NYAP2: variants seen among roughly 807,000 people sequenced by gnomAD.
NYAP2 encodes neuronal tyrosine-phosphorylated phosphoinositide-3-kinase adaptor 2, also known as neuronal tyrosine-phosphorylated phosphoinositide-3-kinase adapter 2.
A neutral mutation model predicts 50.4 loss-of-function variants in NYAP2; 23 were observed. The ratio of observed to expected loss-of-function variants is 0.46; its 90% CI spans 0.33 to 0.65. The LOEUF (loss-of-function observed/expected upper bound fraction) is 0.65. Among genes scored for constraint, NYAP2 ranks in the 30% least tolerant of loss-of-function variants. NYAP2 has a pLI of 0.02. For synonymous variants in NYAP2, 394 were observed against 365.2 expected, an observed-to-expected ratio of 1.08 and a Z score of -0.90; for missense variants, 885 against 861.0, an observed-to-expected ratio of 1.03 and a Z score of -0.35.
chr2:225,414,055 G>A (rs1695087379), intron 3 of NYAP2, among the ~76,000 whole-genome samples: 1 of 152,122 alleles, frequency 6.6e-6, no homozygotes, highest in Non-Finnish European at 1.5e-5. Context: ...TTAAAACACT[G>A]AGCTCTTAGA....
chr2:225,557,692 G>A (rs967865180), intron 4 of NYAP2, among the ~76,000 whole-genome samples: 1 of 152,040 alleles, frequency 6.6e-6, no homozygotes, highest in African/African-American at 2.4e-5. Context: ...TCTAATGAGG[G>A]TCACAATACC....
intron 3 of NYAP2, among the ~76,000 whole-genome samples, chr2:225,437,348 A>G (rs1167804127): frequency 6.6e-6 from 1 of 152,128 alleles, no homozygotes; most frequent in African/African-American, 2.4e-5. Flanking sequence ...AAAGAGAAAA[A>G]CAGATATGAA....
intron 3 of NYAP2, among the ~76,000 whole-genome samples, chr2:225,426,446 G>T (rs1695289603): frequency 6.6e-6 from 1 of 152,172 alleles, no homozygotes; most frequent in Non-Finnish European, 1.5e-5. Context: ...CAACATGAGG[G>T]CAGGAACTCG....
At position 225,442,181 on chromosome 2, in the gene NYAP2, A is replaced by G. The variant is rs184556063; in HGVS notation, c.221+33080A>G. On this transcript the variant is annotated intron_variant, in intron 3 of 6. Coordinates refer to ENST00000636099, the Ensembl canonical transcript of NYAP2. ...TTTCAAATAATCCGTATTTGTTCCAATACAGGAGTTAGGTGAGGAGGAGTA... is the reference window on the plus strand; with the variant it reads ...TTTCAAATAATCCGTATTTGTTCCAGTACAGGAGTTAGGTGAGGAGGAGTA... Among the ~76,000 whole-genome samples, 284 of 152,340 alleles carry G rather than the reference A, an allele frequency of 1.9e-3. 1 individual carries two copies. The highest frequency in any genetic ancestry group is 0.014 in the Middle Eastern group (4 of 294).
rs533097940 is a variant in NYAP2 at position 225,433,789 on chromosome 2, C to T, written c.221+24688C>T. Among the ~76,000 whole-genome samples the T allele has an allele frequency of 1.6e-4, 20 of 126,280 alleles. No individual in the cohort carries two copies. The East Asian group carries it at 4.4e-3, about 27-fold the overall frequency. 82.8% of individuals were successfully genotyped at this position (126,280 alleles called of 152,430 possible). ...CCGAGATCGCGCCACTGCGCTCCAG[C>T]CTGGGCGACAGAGCGAGACTCCGTC... On this transcript the variant is annotated intron_variant, in intron 3 of 6. Transcript: ENST00000636099.
chr2:225,443,412 C>T (rs1369301916), intron 3 of NYAP2, among the ~76,000 whole-genome samples: 2 of 152,104 alleles, frequency 1.3e-5, no homozygotes, highest in Admixed American at 1.3e-4. Flanking sequence ...CAGTTTAAGA[C>T]CCCAGACACG....
intron 4 of NYAP2, among the ~76,000 whole-genome samples, chr2:225,527,290 GT>G (rs1415168107): frequency 6.6e-6 from 1 of 152,154 alleles, no homozygotes; most frequent in Non-Finnish European, 1.5e-5. Flanking sequence ...TGATTTAGAG[GT>G]GTGTTTTATT....
At chr2:225,690,274 AT>A in the NYAP2 span, among the ~76,000 whole-genome samples, 13 of 151,858 alleles carry the variant, frequency 8.6e-5, no homozygotes, top group African/African-American at 2.4e-4. Flanking sequence ...CATTAAAAAT[AT>A]TTTTTTTCTC....
At chr2:225,599,025 C>T (rs1161104412) in intron 5 of NYAP2, among the ~76,000 whole-genome samples, 3 of 152,166 alleles carry the variant, frequency 2.0e-5, no homozygotes, top group Non-Finnish European at 4.4e-5. Context: ...GTGTGTTTCC[C>T]TGGGCTTCAG....
chr2:225,613,954 T>C (rs1692942359), intron 5 of NYAP2, among the ~76,000 whole-genome samples: 1 of 152,180 alleles, frequency 6.6e-6, no homozygotes, highest in East Asian at 1.9e-4. Context: ...ACAGAACTAA[T>C]ATTGTTGAAG....
chr2:225,626,778 A>G, intron 5 of NYAP2, 139 bp from the exon 6 acceptor site: 1 of 660,266 alleles, frequency 1.5e-6, no homozygotes, highest in Middle Eastern at 3.4e-4. Context: ...TTTCTGTTAT[A>G]TTTAAATGTT....
At chr2:225,588,350 GA>G (rs763059917) in intron 5 of NYAP2, among the ~76,000 whole-genome samples, 1,644 of 145,004 alleles carry the variant, frequency 0.011, 19 homozygotes, top group African/African-American at 0.027. Context: ...GACCTTCTTA[GA>G]AAAAAAAAAA....
At chr2:225,641,370 A>C (rs1693527529) in intron 6 of NYAP2, among the ~76,000 whole-genome samples, 1 of 151,838 alleles carries the variant, frequency 6.6e-6, no homozygotes, top group African/African-American at 2.4e-5. Context: ...ATACGTATCA[A>C]ATAATATGTT....
At chr2:225,574,224 G>A (rs971294177) in intron 4 of NYAP2, among the ~76,000 whole-genome samples, 3 of 152,074 alleles carry the variant, frequency 2.0e-5, no homozygotes, top group Admixed American at 6.5e-5. Context: ...ATCTGCAACC[G>A]CACAAACCCA....
intron 4 of NYAP2, among the ~76,000 whole-genome samples, chr2:225,555,161 C>T (rs532772219): frequency 6.6e-6 from 1 of 151,994 alleles, no homozygotes; most frequent in African/African-American, 2.4e-5. Flanking sequence ...CTTTTTTTCC[C>T]AGAAGGATTT....
chr2:225,493,418 T>C (rs1182487397), intron 3 of NYAP2, among the ~76,000 whole-genome samples: 1 of 152,228 alleles, frequency 6.6e-6, no homozygotes, highest in Admixed American at 6.5e-5. Context: ...GAACTGGAGC[T>C]TTGCTTAGTC....
chr2:225,560,183 T>TA (rs1559214496), intron 4 of NYAP2, among the ~76,000 whole-genome samples: 1 of 152,128 alleles, frequency 6.6e-6, no homozygotes, highest in African/African-American at 2.4e-5. Context: ...AATAGACACT[T>TA]ACTTTACAAA....
upstream of NYAP2, among the ~76,000 whole-genome samples, chr2:225,399,361 T>A (rs1694820117): frequency 6.6e-6 from 1 of 151,962 alleles, no homozygotes; most frequent in Admixed American, 6.6e-5. Context: ...AACACACATA[T>A]ATAAGTTGTG....
intron 4 of NYAP2, among the ~76,000 whole-genome samples, chr2:225,546,751 C>A (rs1477118449): frequency 6.6e-6 from 1 of 151,984 alleles, no homozygotes; most frequent in Non-Finnish European, 1.5e-5. Flanking sequence ...TTTTCTCAAG[C>A]AGAAGGAGTC....
Sources: allele counts gnomAD v4.1 joint callset (sites outside exome capture counted in the v4.1 genomes callset), GRCh38; gene constraint gnomAD v4.1.1; transcripts MANE v1.5; gene names NCBI Gene and HGNC (gene_info 2026-07-23, HGNC 2026-07-21).